DOK4: variants seen among roughly 807,000 people sequenced by gnomAD.
DOK4 encodes the protein downstream of tyrosine kinase 4.
In DOK4, 26 loss-of-function variants were observed where a neutral mutation model predicts 40.1. That is an observed-to-expected ratio of 0.65 (90% CI 0.48 to 0.90). DOK4 has a LOEUF of 0.90. DOK4 is among the 40% of genes least tolerant of loss of function. DOK4 has a pLI of 0.00. For synonymous variants in DOK4, 179 were observed against 177.0 expected, an observed-to-expected ratio of 1.01 and a Z score of -0.09; for missense variants, 392 against 437.2, an observed-to-expected ratio of 0.90 and a Z score of 0.92.
rs767947881 is a variant in DOK4, at chr16:57,473,599, T to C, written c.862+14A>G. The C allele has an allele frequency of 8.7e-6, 14 of 1,614,230 alleles. 1 individual carries two copies. The East Asian group carries it at 1.3e-4, about 15-fold the overall frequency. ...CCTCCTGGCAGGTGGGTGTGGGGCA[T>C]GGAAGCGACTCACCAGCATAGCTGG... On this transcript the variant is annotated intron_variant, in intron 8 of 8. Coordinates refer to ENST00000340099, the Ensembl canonical transcript of DOK4.
chr16:57,473,695 T>G lies in DOK4; in HGVS notation c.780A>C (p.Thr260=). ...CACTGCGCGGCAGCATGGTCGTGGG[T>G]GTGCAGGGATACGAGTAATGTTCCG... Residue 260 remains threonine (T), a synonymous_variant, in exon 8 of 9, where the codon ACA becomes ACC. Coordinates refer to ENST00000340099, the Ensembl canonical transcript of DOK4. 1.2e-6 allele frequency: 2 copies of G among 1,614,062 alleles called. 1 individual carries two copies. Among genetic ancestry groups the G allele is most frequent in the Non-Finnish European group, 1.7e-6 (2 of 1,179,966 alleles).
chr16:57,474,021 T>C, exon 7 of DOK4: 2 of 1,614,128 alleles, frequency 1.2e-6, no homozygotes, highest in Non-Finnish European at 1.7e-6. Flanking sequence ...TATAGAGTCC[T>C]TCCCCAGCAT....
chr16:57,475,660 ATCTCTCTCTCTCTC>A (rs745508207), intron 3 of DOK4, 40 bp from the exon 4 acceptor site: 522 of 476,548 alleles, frequency 1.1e-3, no homozygotes, highest in South Asian at 2.9e-3. Context: ...AGGCCAGTGC[ATCTCTCTCTCTCTC>A]TCTCTCTCTC....
intron 1 of DOK4, among the ~76,000 whole-genome samples, chr16:57,482,842 T>C (rs893155505): frequency 2.6e-5 from 4 of 152,220 alleles, no homozygotes; most frequent in Admixed American, 2.6e-4. Flanking sequence ...TATATAGTTT[T>C]CTTCAAGAGT....
intron 1 of DOK4, among the ~76,000 whole-genome samples, chr16:57,484,827 G>C (rs1027682116): frequency 6.6e-6 from 1 of 152,106 alleles, no homozygotes; most frequent in African/African-American, 2.4e-5. Context: ...TGTCTTCATC[G>C]CACATCACCA....
intron 1 of DOK4, among the ~76,000 whole-genome samples, chr16:57,480,953 G>A (rs117768099): frequency 0.021 from 3,137 of 152,276 alleles, 51 homozygotes; most frequent in Admixed American, 0.027. Flanking sequence ...TCCTGCTGCC[G>A]TCTCTGGCTG....
exon 4 of DOK4, chr16:57,475,554 C>T (rs1464945448): frequency 6.2e-7 from 1 of 1,609,836 alleles, no homozygotes; most frequent in African/African-American, 1.3e-5. Context: ...AATATGATGG[C>T]CACCGCCTGC....
intron 8 of DOK4, 46 bp from the exon 9 acceptor site, chr16:57,473,541 A>ACC (rs747223874): frequency 6.2e-7 from 1 of 1,613,744 alleles, no homozygotes; most frequent in Non-Finnish European, 8.5e-7. Context: ...AGGTCAAAAG[A>ACC]CCCCTGCCCA....
rs749142212 is a variant in DOK4, at chr16:57,479,535, G to C, written c.-28C>G. ...TTTTCCCACCTTTTAGGGGCGCGGG[G>C]CCTGGCAGAGGCGAGGGGAAGGATG... On this transcript the variant is annotated 5_prime_UTR_variant, in exon 2 of 9. Transcript: ENST00000340099. The surrounding 1 kb of genome is among the most constrained non-coding windows in gnomAD (Gnocchi z 5.8). 6.2e-7 allele frequency: 1 copy of C among 1,612,362 alleles called. No individual in the cohort carries two copies. Among genetic ancestry groups the C allele is most frequent in the Non-Finnish European group, 8.5e-7 (1 of 1,179,584 alleles).
In DOK4 at chr16:57,479,396, G is replaced by A; in HGVS notation, c.66+46C>T. The A allele has an allele frequency of 6.2e-7, 1 of 1,602,276 alleles. No homozygotes were observed. The highest frequency in any genetic ancestry group is 8.5e-7 in the Non-Finnish European group (1 of 1,172,344). Reference sequence around the variant, plus strand: ...TCCAAGCCTGGGACCGAGTCCTCGGGCCCCCATCCCTTGGCAGGGCCCCTC... The same window carrying A: ...TCCAAGCCTGGGACCGAGTCCTCGGACCCCCATCCCTTGGCAGGGCCCCTC... On this transcript the variant is annotated intron_variant, in intron 2 of 8. Coordinates refer to ENST00000340099, the Ensembl canonical transcript of DOK4. This position sits in a 1 kb window ranked among gnomAD's most constrained non-coding sequence, Gnocchi z 5.8.
In DOK4 at chr16:57,479,464, T is replaced by A. The variant is rs2031333600; in HGVS notation, c.44A>T (p.Lys15Met). Residue 15 changes from lysine (K) to methionine (M), a missense_variant, in exon 2 of 9, where the codon AAG becomes ATG. Coordinates refer to ENST00000340099, the Ensembl canonical transcript of DOK4. The surrounding 1 kb of genome is among the most constrained non-coding windows in gnomAD (Gnocchi z 5.8). ...CACCCCGAGCTTCCTGCTCTTCATC[T>A]TCACGTAGCCTTGCTTGACGATGTC... 6.2e-7 allele frequency: 1 copy of A among 1,613,846 alleles called. No homozygotes were observed. Among genetic ancestry groups the A allele is most frequent in the Non-Finnish European group, 8.5e-7 (1 of 1,179,936 alleles).
exon 9 of DOK4, chr16:57,473,118 A>G (rs1421449304): frequency 2.1e-6 from 1 of 487,344 alleles, no homozygotes; most frequent in Non-Finnish European, 3.6e-6. Context: ...TCATTGATAC[A>G]GAGTATGTCA....
exon 7 of DOK4, chr16:57,474,005 G>C (rs1277686844): frequency 1.9e-6 from 3 of 1,614,038 alleles, no homozygotes; most frequent in Non-Finnish European, 2.5e-6. Flanking sequence ...TCTTGTGTCT[G>C]GAAGGTATAG....
rs912403080 is a variant in DOK4, at chr16:57,479,884, G to C, written c.-181-196C>G. 4.9e-6 allele frequency: 1 copy of C among 202,084 alleles called. No individual in the cohort carries two copies. The highest frequency in any genetic ancestry group is 1.0e-5 in the Non-Finnish European group (1 of 98,394). The allele number at this position is 202,084 out of a possible 1,614,324, so 12.5% of individuals were successfully genotyped here. On this transcript the variant is annotated intron_variant, in intron 1 of 8. Coordinates refer to ENST00000340099, the Ensembl canonical transcript of DOK4. The surrounding 1 kb of genome is among the most constrained non-coding windows in gnomAD (Gnocchi z 5.8). Reference sequence around the variant, plus strand: ...ACCATTCAGGAAAACCGAGGTGGAGGCGGCAGTGAGGAAAATGGTCCAGCC... The same window carrying C: ...ACCATTCAGGAAAACCGAGGTGGAGCCGGCAGTGAGGAAAATGGTCCAGCC...
intron 6 of DOK4, 127 bp downstream of exon 6, chr16:57,474,666 T>C (rs1302947065): frequency 4.2e-6 from 5 of 1,202,938 alleles, no homozygotes; most frequent in Non-Finnish European, 5.8e-6. Flanking sequence ...ATGGGAACAT[T>C]ACATTCCCCC....
intron 8 of DOK4, 24 bp from the exon 9 acceptor site, chr16:57,473,519 G>A (rs2030978627): frequency 6.2e-7 from 1 of 1,614,208 alleles, no homozygotes; most frequent in Non-Finnish European, 8.5e-7. Flanking sequence ...AGCAGGCTCA[G>A]AACTCAGAGC....
chr16:57,479,197 C>A lies in DOK4; in HGVS notation c.66+245G>T, dbSNP rs2031315482. ...TCGGTGGCCACCATTGCTGCCACTA[C>A]CACCACCACTGGCCCAGCTGTTGGG... On this transcript the variant is annotated intron_variant, in intron 2 of 8. Coordinates refer to ENST00000340099, the Ensembl canonical transcript of DOK4. This position sits in a 1 kb window ranked among gnomAD's most constrained non-coding sequence, Gnocchi z 5.8. Among the ~76,000 whole-genome samples, 1 of 152,254 alleles carries A rather than the reference C, an allele frequency of 6.6e-6. No individual in the cohort carries two copies. Among genetic ancestry groups the A allele is most frequent in the Admixed American group, 6.5e-5 (1 of 15,292 alleles).
intron 1 of DOK4, among the ~76,000 whole-genome samples, chr16:57,482,372 T>TG (rs1350203830): frequency 7.2e-5 from 10 of 138,764 alleles, no homozygotes; most frequent in African/African-American, 1.3e-4. Flanking sequence ...TGTTTTTTTT[T>TG]TTTTTTTTTT....
chr16:57,475,114 T>A (rs1327866519), exon 5 of DOK4: 8 of 1,580,510 alleles, frequency 5.1e-6, no homozygotes, highest in Non-Finnish European at 6.9e-6. Context: ...CTGTTCACAC[T>A]GCACCCCTGG....
Sources: gnomAD v4.1 joint callset for allele counts (sites outside exome capture counted in the v4.1 genomes callset) on GRCh38, gnomAD v4.1.1 for gene constraint, Gnocchi (gnomAD v3.1) non-coding constraint, MANE v1.5 for transcripts, NCBI Gene and HGNC (gene_info 2026-07-23, HGNC 2026-07-21) for gene names.